The following SGCZ variants were observed in gnomAD, a reference collection of about 807,000 sequenced individuals.
SGCZ encodes zeta-sarcoglycan.
SGCZ carries 40 observed loss-of-function variants against 41.3 expected under a neutral mutation model. The observed-to-expected ratio is 0.97, with a 90% confidence interval of 0.75 to 1.26. The LOEUF (loss-of-function observed/expected upper bound fraction) is 1.26. SGCZ is among the 50% of genes most tolerant of loss of function. The probability of loss-of-function intolerance (pLI) is 0.00; values close to 1 mark genes in which losing one functional copy is unlikely to be tolerated. For synonymous variants in SGCZ, 206 were observed against 137.5 expected, an observed-to-expected ratio of 1.50 and a Z score of -3.49; for missense variants, 552 against 369.8, an observed-to-expected ratio of 1.49 and a Z score of -4.04.
intron 2 of SGCZ, among the ~76,000 whole-genome samples, chr8:14,334,884 C>A (rs970782885): frequency 1.3e-5 from 2 of 152,060 alleles, no homozygotes; most frequent in Non-Finnish European, 2.9e-5. Flanking sequence ...ACAGAAGTAA[C>A]TTGTGTGTGC....
At chr8:14,894,972 A>G (rs1463225086) in intron 1 of SGCZ, among the ~76,000 whole-genome samples, 1 of 152,164 alleles carries the variant, frequency 6.6e-6, no homozygotes, top group Non-Finnish European at 1.5e-5. Flanking sequence ...ATGCAAAAAA[A>G]TCTTTATATC....
At chr8:14,138,588 C>A (rs1803274104) in intron 5 of SGCZ, among the ~76,000 whole-genome samples, 1 of 150,606 alleles carries the variant, frequency 6.6e-6, no homozygotes, top group Non-Finnish European at 1.5e-5. Context: ...TCAAAAGAGA[C>A]AAAGAAGGGC....
chr8:14,501,486 A>C (rs932925728), intron 2 of SGCZ, among the ~76,000 whole-genome samples: 1 of 152,042 alleles, frequency 6.6e-6, no homozygotes, highest in African/African-American at 2.4e-5. Flanking sequence ...TACCATATAA[A>C]TGTATTTTAG....
At chr8:14,631,323 C>G (rs1309137933) in intron 1 of SGCZ, among the ~76,000 whole-genome samples, 1 of 152,010 alleles carries the variant, frequency 6.6e-6, no homozygotes, top group Non-Finnish European at 1.5e-5. Context: ...AGAGCATTCT[C>G]TATCAAATAG....
At chr8:14,826,466 G>A (rs577710971) in intron 1 of SGCZ, among the ~76,000 whole-genome samples, 80 of 152,206 alleles carry the variant, frequency 5.3e-4, no homozygotes, top group African/African-American at 1.9e-3. Flanking sequence ...GGATGGCTGG[G>A]TCAAATGGTA....
Position 14,664,427 on chromosome 8 carries a change from C to T in SGCZ, c.40-109501G>A, listed in dbSNP as rs1183498894. ...GTGTGTCTTTAAAATGAAAGAAATA[C>T]CAATATTTGTTTAATTCGATTGCAT... On this transcript the variant is annotated intron_variant, in intron 1 of 7. Transcript: ENST00000382080. 9.2e-5 allele frequency among the ~76,000 whole-genome samples: 14 copies of T among 152,098 alleles called. 1 individual carries two copies. Among genetic ancestry groups the T allele is most frequent in the Admixed American group, 9.2e-4 (14 of 15,254 alleles).
At chr8:14,286,375 T>C (rs1800629152) in intron 3 of SGCZ, among the ~76,000 whole-genome samples, 1 of 152,126 alleles carries the variant, frequency 6.6e-6, no homozygotes, top group Admixed American at 6.6e-5. Flanking sequence ...GACCTCCAAT[T>C]ACAATTCTAA....
chr8:15,066,878 T>C (rs1805169750), intron 1 of SGCZ, among the ~76,000 whole-genome samples: 1 of 152,192 alleles, frequency 6.6e-6, no homozygotes, highest in Non-Finnish European at 1.5e-5. Flanking sequence ...TCACTGTATC[T>C]AAAGTATGGC....
At chr8:14,592,152 T>G (rs1422998720) in intron 1 of SGCZ, among the ~76,000 whole-genome samples, 1 of 152,150 alleles carries the variant, frequency 6.6e-6, no homozygotes, top group Non-Finnish European at 1.5e-5. Context: ...AAATCAGTTG[T>G]TTTTCATTTG....
At chr8:14,147,780 C>T (rs1223035996) in intron 5 of SGCZ, among the ~76,000 whole-genome samples, 1 of 152,052 alleles carries the variant, frequency 6.6e-6, no homozygotes, top group African/African-American at 2.4e-5. Flanking sequence ...GCATGTGGAT[C>T]ATTATCAGGG....
At chr8:14,330,280 G>T (rs897663633) in intron 2 of SGCZ, among the ~76,000 whole-genome samples, 6 of 151,904 alleles carry the variant, frequency 3.9e-5, no homozygotes, top group Non-Finnish European at 2.9e-5. Context: ...GAAGTATGTG[G>T]TTAGTAAAAT....
chr8:14,385,427 A>G (rs938343914), intron 2 of SGCZ, among the ~76,000 whole-genome samples: 1 of 152,208 alleles, frequency 6.6e-6, no homozygotes, highest in Admixed American at 6.5e-5. Flanking sequence ...TAGTAGTGGA[A>G]AAGTATATTA....
At chr8:14,214,734 G>C (rs892972790) in intron 4 of SGCZ, among the ~76,000 whole-genome samples, 5 of 151,826 alleles carry the variant, frequency 3.3e-5, no homozygotes, top group African/African-American at 9.7e-5. Context: ...ATGAGTATTA[G>C]ATAATATTAT....
Position 14,173,973 on chromosome 8 carries a change from T to G in SGCZ, c.425-9271A>C, listed in dbSNP as rs1484421514. On this transcript the variant is annotated intron_variant, in intron 4 of 7. Transcript: ENST00000382080. ...ATATTAGAATGGTTATATTAATAAC[T>G]GCTAAGTAAACCTCAAATCAAGGAG... 5.9e-5 allele frequency among the ~76,000 whole-genome samples: 9 copies of G among 152,078 alleles called. No homozygotes were observed. In the East Asian group the frequency reaches 1.5e-3, roughly 26 times the overall value.
chr8:15,094,790 T>C (rs1806276742), intron 1 of SGCZ, among the ~76,000 whole-genome samples: 2 of 152,132 alleles, frequency 1.3e-5, no homozygotes, highest in African/African-American at 4.8e-5. Flanking sequence ...GTTCTGATGG[T>C]TTTATGAGGA....
At chr8:15,069,173 T>G (rs986991877) in intron 1 of SGCZ, among the ~76,000 whole-genome samples, 1 of 151,810 alleles carries the variant, frequency 6.6e-6, no homozygotes, top group African/African-American at 2.4e-5. Flanking sequence ...AATACAGAGG[T>G]TTTTTTGGGG....
At chr8:15,125,600 A>G (rs1352634149) in intron 1 of SGCZ, among the ~76,000 whole-genome samples, 6 of 152,064 alleles carry the variant, frequency 3.9e-5, no homozygotes, top group Non-Finnish European at 7.4e-5. Flanking sequence ...AATTTGCTAT[A>G]TTTTTTCATA....
At position 14,940,046 on chromosome 8, in the gene SGCZ, T is replaced by A. The variant is rs561668516; in HGVS notation, c.39+297539A>T. Among the ~76,000 whole-genome samples the A allele has an allele frequency of 4.6e-5, 7 of 152,272 alleles. No homozygotes were observed. The East Asian group carries it at 1.2e-3, about 25-fold the overall frequency. ...TGACTGTTTACAAGTTTTGTTTATG[T>A]TTTTTACAAGGATATGTTCTTAAGG... On this transcript the variant is annotated intron_variant, in intron 1 of 7. Coordinates refer to ENST00000382080, the MANE Select transcript of SGCZ (RefSeq NM_139167.4).
At chr8:14,619,774 C>T (rs893951107) in intron 1 of SGCZ, among the ~76,000 whole-genome samples, 7 of 152,086 alleles carry the variant, frequency 4.6e-5, no homozygotes, top group African/African-American at 1.7e-4. Flanking sequence ...ACAAACCACG[C>T]TCAACGAAAT....
Sources: gnomAD v4.1 joint callset for allele counts (sites outside exome capture counted in the v4.1 genomes callset) on GRCh38, gnomAD v4.1.1 for gene constraint, MANE v1.5 for transcripts, NCBI Gene and HGNC (gene_info 2026-07-23, HGNC 2026-07-21) for gene names.